The following CTNNA3 variants were observed in gnomAD, a reference collection of about 807,000 sequenced individuals.
CTNNA3 encodes the protein catenin alpha 3, also known as catenin alpha-3.
In CTNNA3, 76 loss-of-function variants were observed where a neutral mutation model predicts 95.7. That is an observed-to-expected ratio of 0.79 (90% CI 0.66 to 0.96). The LOEUF (loss-of-function observed/expected upper bound fraction) is 0.96, where lower values mean the gene tolerates loss of function less well. CTNNA3 is among the 40% of genes least tolerant of loss of function. The pLI is 0.00. For synonymous variants in CTNNA3, 431 were observed against 374.4 expected, an observed-to-expected ratio of 1.15 and a Z score of -1.74; for missense variants, 1,191 against 1,089.8, an observed-to-expected ratio of 1.09 and a Z score of -1.31.
rs573457786 is a variant in CTNNA3 at position 67,248,001 on chromosome 10, T to C, written c.580-28131A>G. 5.8e-4 allele frequency among the ~76,000 whole-genome samples: 88 copies of C among 152,154 alleles called. 1 individual carries two copies. The South Asian group carries it at 0.018, about 32-fold the overall frequency. On this transcript the variant is annotated intron_variant, in intron 5 of 17. Coordinates refer to ENST00000433211, the MANE Select transcript of CTNNA3 (RefSeq NM_013266.4). ...ATTGTCAATTGATTTTCAACAAGGG[T>C]ATCATGACAATTCAATACAGAAAGG...
chr10:67,089,787 G>A (rs1424869280), intron 7 of CTNNA3, among the ~76,000 whole-genome samples: 2 of 148,958 alleles, frequency 1.3e-5, no homozygotes, highest in African/African-American at 2.5e-5. Context: ...TGTCTCCTAG[G>A]CCCCCCATCC....
chr10:66,454,994 A>AT (rs1364365844), intron 11 of CTNNA3, among the ~76,000 whole-genome samples: 1 of 152,058 alleles, frequency 6.6e-6, no homozygotes, highest in Non-Finnish European at 1.5e-5. Flanking sequence ...TGAAATCTGT[A>AT]TTAATAGTCT....
intron 12 of CTNNA3, among the ~76,000 whole-genome samples, chr10:66,319,779 C>G (rs935193596): frequency 1.3e-5 from 2 of 152,094 alleles, no homozygotes; most frequent in East Asian, 3.9e-4. Flanking sequence ...AACAAACAAA[C>G]ATAAAACACC....
chr10:66,945,281 G>T (rs1848220077), intron 7 of CTNNA3, among the ~76,000 whole-genome samples: 1 of 152,304 alleles, frequency 6.6e-6, no homozygotes, highest in East Asian at 1.9e-4. Context: ...ACTTGTTGCA[G>T]CTTTTACATC....
intron 7 of CTNNA3, among the ~76,000 whole-genome samples, chr10:67,085,212 A>G (rs1324827723): frequency 6.6e-6 from 1 of 151,944 alleles, no homozygotes; most frequent in Non-Finnish European, 1.5e-5. Context: ...ACTTGTTTTG[A>G]TCAAAGCCAT....
intron 12 of CTNNA3, among the ~76,000 whole-genome samples, chr10:66,281,236 G>A (rs1230136959): frequency 2.0e-5 from 3 of 151,766 alleles, no homozygotes; most frequent in South Asian, 4.2e-4. Context: ...ACTGACTATA[G>A]GGATGCTTCT....
intron 7 of CTNNA3, among the ~76,000 whole-genome samples, chr10:67,172,282 G>A (rs1426698564): frequency 2.6e-5 from 4 of 152,110 alleles, no homozygotes; most frequent in South Asian, 2.1e-4. Flanking sequence ...TCCATTTCAC[G>A]TACTTGTCTG....
chr10:67,239,120 G>A (rs1223352238), intron 5 of CTNNA3, among the ~76,000 whole-genome samples: 1 of 152,134 alleles, frequency 6.6e-6, no homozygotes, highest in East Asian at 1.9e-4. Context: ...CACATTAAAT[G>A]GTAGTGAGGC....
intron 5 of CTNNA3, among the ~76,000 whole-genome samples, chr10:67,267,905 T>C (rs1185823600): frequency 6.6e-6 from 1 of 152,146 alleles, no homozygotes; most frequent in East Asian, 1.9e-4. Flanking sequence ...CTTTTACAAA[T>C]ACTGAGTTAA....
chr10:66,886,746 A>G (rs912262481), intron 7 of CTNNA3, among the ~76,000 whole-genome samples: 7 of 152,098 alleles, frequency 4.6e-5, no homozygotes, highest in African/African-American at 7.2e-5. Flanking sequence ...CCTGAATTCC[A>G]GTTCTTACCC....
At chr10:67,381,622 T>TA (rs1277223628) in intron 5 of CTNNA3, among the ~76,000 whole-genome samples, 1 of 152,168 alleles carries the variant, frequency 6.6e-6, no homozygotes, top group Non-Finnish European at 1.5e-5. Context: ...CTCTTTCATA[T>TA]AAAAAATAGT....
intron 7 of CTNNA3, among the ~76,000 whole-genome samples, chr10:66,895,054 CAAA>C (rs537843933): frequency 1.7e-5 from 2 of 115,552 alleles, no homozygotes; most frequent in African/African-American, 3.4e-5. Flanking sequence ...AACAAATAAA[CAAA>C]AAAAAAAAAA....
At position 66,052,705 on chromosome 10, in the gene CTNNA3, T is replaced by C. The variant is rs139822202; in HGVS notation, c.2159+16603A>G. 1.3e-3 allele frequency among the ~76,000 whole-genome samples: 204 copies of C among 152,104 alleles called. 3 individuals are homozygous for C. The highest frequency in any genetic ancestry group is 4.7e-3 in the African/African-American group (195 of 41,530). ...AACAAAGGACAAAAAAAGTCTGTGG[T>C]AGGATTGAGGCAGGGTTGAGATTTT... On this transcript the variant is annotated intron_variant, in intron 15 of 17. Coordinates refer to ENST00000433211, the MANE Select transcript of CTNNA3 (RefSeq NM_013266.4).
intron 5 of CTNNA3, among the ~76,000 whole-genome samples, chr10:67,363,038 C>T (rs1457368637): frequency 6.6e-6 from 1 of 151,906 alleles, no homozygotes; most frequent in Non-Finnish European, 1.5e-5. Context: ...AATAAAAGAC[C>T]TAAGAATTCA....
At chr10:66,754,128 T>TGAAAAAAA (rs1839275007) in intron 9 of CTNNA3, among the ~76,000 whole-genome samples, 1 of 152,176 alleles carries the variant, frequency 6.6e-6, no homozygotes, top group African/African-American at 2.4e-5. Context: ...TGGTTTTAAA[T>TGAAAAAAA]CTTACTACAA....
chr10:66,132,059 C>T (rs1371939837), intron 13 of CTNNA3, among the ~76,000 whole-genome samples: 1 of 152,176 alleles, frequency 6.6e-6, no homozygotes, highest in East Asian at 1.9e-4. Flanking sequence ...ATAAGATCTA[C>T]TTAAACTAAG....
At chr10:66,011,598 A>T (rs1007545164) in intron 15 of CTNNA3, among the ~76,000 whole-genome samples, 2 of 152,188 alleles carry the variant, frequency 1.3e-5, no homozygotes, top group Non-Finnish European at 2.9e-5. Context: ...ACAAAAAAAA[A>T]TTGATGTGCA....
intron 1 of CTNNA3, among the ~76,000 whole-genome samples, chr10:67,675,629 G>A (rs1020330801): frequency 4.6e-5 from 7 of 152,064 alleles, no homozygotes; most frequent in Admixed American, 1.3e-4. Context: ...CCCACATTCC[G>A]ACAGGCAAAA....
At chr10:66,415,061 C>T (rs890450871) in intron 11 of CTNNA3, among the ~76,000 whole-genome samples, 2 of 152,122 alleles carry the variant, frequency 1.3e-5, no homozygotes, top group Non-Finnish European at 2.9e-5. Flanking sequence ...CCACCCTCAA[C>T]CCCCACTGGC....
Sources: gnomAD v4.1 joint callset for allele counts (sites outside exome capture counted in the v4.1 genomes callset) on GRCh38, gnomAD v4.1.1 for gene constraint, MANE v1.5 for transcripts, NCBI Gene and HGNC (gene_info 2026-07-23, HGNC 2026-07-21) for gene names.